The following POU2F1 variants were observed in gnomAD, a reference collection of about 807,000 sequenced individuals.
POU2F1 encodes the protein POU class 2 homeobox 1, also known as POU domain, class 2, transcription factor 1.
POU2F1 carries 16 observed loss-of-function variants against 84.9 expected under a neutral mutation model. That is an observed-to-expected ratio of 0.19 (90% confidence interval 0.13 to 0.29). The LOEUF (loss-of-function observed/expected upper bound fraction) is 0.29. Among genes scored for constraint, POU2F1 ranks in the 10% least tolerant of loss-of-function variants. The pLI, the probability that POU2F1 is intolerant of heterozygous loss-of-function variation, is 1.00. For synonymous variants in POU2F1, 368 were observed against 368.3 expected (o/e 1.00, Z 0.01); for missense variants, 738 against 942.6 (o/e 0.78, Z 2.84).
intron 2 of POU2F1, chr1:167,357,380 C>CCCCCCCA: frequency 1.0e-3 from 3 of 3,002 alleles, no homozygotes; most frequent in Admixed American, 2.5e-3. Context: ...CCCCCCCCCA[C>CCCCCCCA]CCCCCCCCGC....
intron 1 of POU2F1, among the ~76,000 whole-genome samples, chr1:167,259,508 T>C (rs896257523): frequency 6.6e-6 from 1 of 152,220 alleles, no homozygotes; most frequent in African/African-American, 2.4e-5. Flanking sequence ...TTGGCACTTA[T>C]AAGCAATGCT....
chr1:167,300,475 T>G (rs1217347099), intron 1 of POU2F1, among the ~76,000 whole-genome samples: 1 of 152,236 alleles, frequency 6.6e-6, no homozygotes, highest in East Asian at 1.9e-4. Context: ...ATTTTTTATT[T>G]ATTTTTTTGA....
At chr1:167,227,176 C>A (rs1344371202) in intron 1 of POU2F1, among the ~76,000 whole-genome samples, 1 of 152,122 alleles carries the variant, frequency 6.6e-6, no homozygotes, top group Non-Finnish European at 1.5e-5. Flanking sequence ...TGTTCACATT[C>A]CACAAAGCTA....
chr1:167,378,335 A>G (rs1032645935), intron 7 of POU2F1, among the ~76,000 whole-genome samples: 1 of 151,836 alleles, frequency 6.6e-6, no homozygotes, highest in Non-Finnish European at 1.5e-5. Flanking sequence ...TCCCAGGTTC[A>G]AGCAATTCTC....
intron 2 of POU2F1, among the ~76,000 whole-genome samples, chr1:167,353,723 A>T (rs1437425047): frequency 6.6e-6 from 1 of 151,976 alleles, no homozygotes; most frequent in East Asian, 1.9e-4. Flanking sequence ...TTTATTGTTG[A>T]TTCTTTTACG....
In POU2F1 at chr1:167,358,716, C is replaced by T. The variant is rs1229867123; in HGVS notation, c.128-6751C>T. ...TTCTTAATCTTTTTATTATCTGCAGCTTTTTTTTTTTTTTTTTTTTTGAGA... is the reference window on the plus strand; with the variant it reads ...TTCTTAATCTTTTTATTATCTGCAGTTTTTTTTTTTTTTTTTTTTTTGAGA... On this transcript the variant is annotated intron_variant, in intron 2 of 15. Transcript: ENST00000367866. 3.8e-3 allele frequency among the ~76,000 whole-genome samples: 147 copies of T among 38,330 alleles called. 5 individuals are homozygous for T. The highest frequency in any genetic ancestry group is 8.2e-3 in the African/African-American group (115 of 14,012). 25.1% of individuals were successfully genotyped at this position (38,330 alleles called of 152,430 possible). A position where few individuals can be genotyped will look rare whatever the true frequency, so the allele number is the denominator to read the frequency against.
chr1:167,242,821 C>T (rs970236738), intron 1 of POU2F1, among the ~76,000 whole-genome samples: 1 of 152,114 alleles, frequency 6.6e-6, no homozygotes, highest in African/African-American at 2.4e-5. Flanking sequence ...ATAATGTCTC[C>T]TTTTGCGTAG....
chr1:167,352,681 C>T (rs527775271), intron 2 of POU2F1, among the ~76,000 whole-genome samples: 1 of 152,158 alleles, frequency 6.6e-6, no homozygotes, highest in Non-Finnish European at 1.5e-5. Flanking sequence ...TTTAATGTCC[C>T]TTTCAGCTTT....
At chr1:167,381,239 C>T (rs943177111) in intron 7 of POU2F1, among the ~76,000 whole-genome samples, 2 of 152,100 alleles carry the variant, frequency 1.3e-5, no homozygotes, top group Admixed American at 1.3e-4. Flanking sequence ...CATGCCACCA[C>T]GCCTGGCTAA....
At chr1:167,276,403 ATTG>A (rs1339454463) in intron 1 of POU2F1, among the ~76,000 whole-genome samples, 1 of 152,094 alleles carries the variant, frequency 6.6e-6, no homozygotes, top group Non-Finnish European at 1.5e-5. Context: ...TATTATTCTT[ATTG>A]TTAATCTTAC....
At chr1:167,320,782 T>G (rs1038113280) in intron 1 of POU2F1, among the ~76,000 whole-genome samples, 1 of 152,222 alleles carries the variant, frequency 6.6e-6, no homozygotes, top group African/African-American at 2.4e-5. Flanking sequence ...TATTTGAGCC[T>G]TATACGCTTG....
Position 167,423,355 on chromosome 1 carries a change from G to T in POU2F1, c.*7545G>T, listed in dbSNP as rs1184180907. On this transcript the variant is annotated 3_prime_UTR_variant, in exon 16 of 16. Coordinates refer to ENST00000367866, the MANE Select transcript of POU2F1 (RefSeq NM_002697.4). The stretch of plus-strand genomic sequence containing the variant: ...ATATTGCATCAAAAATGATTAGGTT[G>T]CAGAACTTCATGAAAGCTTTACTAA... 2.6e-5 allele frequency: 4 copies of T among 152,170 alleles called. No individual in the cohort carries two copies. Among genetic ancestry groups the T allele is most frequent in the African/African-American group, 7.2e-5 (3 of 41,440 alleles). The allele number at this position is 152,170 out of a possible 1,614,324, so 9.4% of individuals were successfully genotyped here. A position where few individuals can be genotyped will look rare whatever the true frequency, so the allele number is the denominator to read the frequency against.
Position 167,359,948 on chromosome 1 carries a change from C to T in POU2F1, c.128-5519C>T, listed in dbSNP as rs566560780. Among the ~76,000 whole-genome samples the T allele has an allele frequency of 1.3e-5, 2 of 151,138 alleles. 1 individual carries two copies. Among genetic ancestry groups the T allele is most frequent in the South Asian group, 4.2e-4 (2 of 4,794 alleles). ...ATTTCTGATGATTAGTGATGTTGAGCATTTTTTCATGTTTGTTGACTTGCT... is the reference window on the plus strand; with the variant it reads ...ATTTCTGATGATTAGTGATGTTGAGTATTTTTTCATGTTTGTTGACTTGCT... On this transcript the variant is annotated intron_variant, in intron 2 of 15. Transcript: ENST00000367866.
intron 3 of POU2F1, among the ~76,000 whole-genome samples, chr1:167,368,919 A>G (rs1396738718): frequency 3.3e-5 from 5 of 152,246 alleles, no homozygotes; most frequent in African/African-American, 1.2e-4. Flanking sequence ...TAGTGGTACT[A>G]CCATTTTCCA....
chr1:167,279,705 G>A (rs898706285), intron 1 of POU2F1, among the ~76,000 whole-genome samples: 6 of 152,010 alleles, frequency 3.9e-5, no homozygotes, highest in Non-Finnish European at 8.8e-5. Flanking sequence ...GCCTCAGAGC[G>A]AGACTCCATC....
intron 2 of POU2F1, among the ~76,000 whole-genome samples, chr1:167,359,530 G>A (rs1021435608): frequency 6.6e-6 from 1 of 152,136 alleles, no homozygotes; most frequent in Non-Finnish European, 1.5e-5. Context: ...GTTTATGGCT[G>A]CATAGTATTC....
In POU2F1 at chr1:167,415,164, T is replaced by C. The variant is rs145760406; in HGVS notation, c.1991-336T>C. On this transcript the variant is annotated intron_variant, in intron 15 of 15. Coordinates refer to ENST00000367866, the MANE Select transcript of POU2F1 (RefSeq NM_002697.4). ...CAGCAGTCTTCATTAAAGACAAAATTATTGGATTTATCAAATATGTCTAGG... is the reference window on the plus strand; with the variant it reads ...CAGCAGTCTTCATTAAAGACAAAATCATTGGATTTATCAAATATGTCTAGG... Among the ~76,000 whole-genome samples the C allele has an allele frequency of 2.6e-5, 4 of 152,298 alleles. No homozygotes were observed. In the East Asian group the frequency reaches 5.8e-4, roughly 22 times the overall value.
intron 9 of POU2F1, among the ~76,000 whole-genome samples, chr1:167,391,136 C>T (rs929456436): frequency 6.6e-6 from 1 of 152,148 alleles, no homozygotes; most frequent in East Asian, 1.9e-4. Flanking sequence ...GACAGGGTCT[C>T]GCTATGTTGG....
chr1:167,324,266 AGTC>A (rs1442730280), intron 1 of POU2F1, among the ~76,000 whole-genome samples: 1 of 152,220 alleles, frequency 6.6e-6, no homozygotes, highest in Non-Finnish European at 1.5e-5. Context: ...TGAGACATGA[AGTC>A]AATTTAATAG....
Sources: gnomAD v4.1 joint callset for allele counts (sites outside exome capture counted in the v4.1 genomes callset) on GRCh38, gnomAD v4.1.1 for gene constraint, MANE v1.5 for transcripts, NCBI Gene and HGNC (gene_info 2026-07-23, HGNC 2026-07-21) for gene names.